BANK1: variants seen among roughly 807,000 people sequenced by gnomAD.
BANK1 encodes B cell scaffold protein with ankyrin repeats 1.
BANK1 carries 95 observed loss-of-function variants against 94.5 expected under a neutral mutation model. That is an observed-to-expected ratio of 1.00 (90% CI 0.85 to 1.19). The LOEUF (loss-of-function observed/expected upper bound fraction) is 1.19. BANK1 is among the 50% of genes most tolerant of loss of function. The probability of loss-of-function intolerance (pLI) is 0.00; values close to 1 mark genes in which losing one functional copy is unlikely to be tolerated. For missense variants in BANK1, 987 were observed against 932.2 expected (o/e 1.06, Z -0.77); for synonymous variants, 334 against 308.4 (o/e 1.08, Z -0.87).
intron 10 of BANK1, chr4:102,036,734 T>G (rs1272815891): frequency 6.6e-6 from 1 of 152,190 alleles, no homozygotes; most frequent in African/African-American, 2.4e-5. Flanking sequence ...GTAACCCAGG[T>G]GTTCTTGTTT....
At chr4:101,792,770 A>C (rs2148847138) in intron 1 of BANK1, among the ~76,000 whole-genome samples, 1 of 152,284 alleles carries the variant, frequency 6.6e-6, no homozygotes, top group South Asian at 2.1e-4. Context: ...AGACAACATT[A>C]GTGTATACTG....
chr4:101,966,195 CT>C (rs1166446682), intron 7 of BANK1, among the ~76,000 whole-genome samples: 2 of 152,022 alleles, frequency 1.3e-5, no homozygotes, highest in Non-Finnish European at 1.5e-5. Flanking sequence ...GCTTATGCTA[CT>C]TTTCCTTTTT....
At chr4:101,902,194 T>A (rs1218351323) in intron 6 of BANK1, among the ~76,000 whole-genome samples, 2 of 152,186 alleles carry the variant, frequency 1.3e-5, no homozygotes, top group African/African-American at 4.8e-5. Context: ...CTTTTGACAA[T>A]AACAGAAATC....
intron 10 of BANK1, among the ~76,000 whole-genome samples, chr4:102,037,787 A>G (rs1000972845): frequency 5.3e-5 from 8 of 152,222 alleles, no homozygotes; most frequent in African/African-American, 1.7e-4. Context: ...AAAACCATAT[A>G]TGTACAGTGG....
chr4:102,028,788 A>T (rs1727187717), intron 9 of BANK1, among the ~76,000 whole-genome samples: 1 of 152,034 alleles, frequency 6.6e-6, no homozygotes, highest in Non-Finnish European at 1.5e-5. Flanking sequence ...ATCATCAAAG[A>T]CTCTGAAACC....
chr4:102,026,012 G>T (rs1727082214), intron 9 of BANK1, among the ~76,000 whole-genome samples: 2 of 152,182 alleles, frequency 1.3e-5, no homozygotes, highest in South Asian at 4.1e-4. Context: ...AGCTGTGGGA[G>T]AATTAAGCGT....
rs79270509 is a variant in BANK1 at position 102,063,206 on chromosome 4, G to A, written c.2212+68G>A. On this transcript the variant is annotated intron_variant, in intron 13 of 16. Coordinates refer to ENST00000322953, the MANE Select transcript of BANK1 (RefSeq NM_017935.5). Reference sequence around the variant, plus strand: ...ACGTTGAAAATTCAAGGACTGTGGAGATGATTGGGCCTGAGTTCAAATCTA... The same window carrying A: ...ACGTTGAAAATTCAAGGACTGTGGAAATGATTGGGCCTGAGTTCAAATCTA... 43 of 1,397,472 alleles carry A rather than the reference G, an allele frequency of 3.1e-5. No individual in the cohort carries two copies. The South Asian group carries it at 4.4e-4, about 14-fold the overall frequency. 86.6% of individuals were successfully genotyped at this position (1,397,472 alleles called of 1,614,324 possible).
intron 11 of BANK1, among the ~76,000 whole-genome samples, chr4:102,050,928 G>A (rs1455678888): frequency 1.3e-5 from 2 of 152,128 alleles, no homozygotes; most frequent in African/African-American, 4.8e-5. Context: ...TTATGAGCTT[G>A]TAACCCCTAG....
chr4:102,016,472 A>G (rs1165524395), intron 7 of BANK1, among the ~76,000 whole-genome samples: 1 of 152,126 alleles, frequency 6.6e-6, no homozygotes, highest in East Asian at 1.9e-4. Context: ...AAATTGTCCT[A>G]TACCCCCTCT....
At chr4:101,826,930 A>C (rs1726388871) in intron 1 of BANK1, among the ~76,000 whole-genome samples, 1 of 151,954 alleles carries the variant, frequency 6.6e-6, no homozygotes, top group Admixed American at 6.6e-5. Context: ...AATTCAATAA[A>C]ATACAAAAGC....
chr4:102,065,963 C>T (rs1222164729), intron 13 of BANK1, among the ~76,000 whole-genome samples: 1 of 151,782 alleles, frequency 6.6e-6, no homozygotes, highest in African/African-American at 2.4e-5. Flanking sequence ...GTAATTAGAA[C>T]CCAAAAGGAG....
intron 7 of BANK1, among the ~76,000 whole-genome samples, chr4:101,948,716 A>G (rs938070073): frequency 2.0e-5 from 3 of 152,066 alleles, no homozygotes; most frequent in Non-Finnish European, 2.9e-5. Context: ...TGAGACCTTT[A>G]AATTAATCCC....
At chr4:101,960,312 T>G (rs1468149926) in intron 7 of BANK1, among the ~76,000 whole-genome samples, 1 of 152,120 alleles carries the variant, frequency 6.6e-6, no homozygotes, top group Non-Finnish European at 1.5e-5. Flanking sequence ...AAGGTAGATG[T>G]AGATAATTTA....
intron 7 of BANK1, among the ~76,000 whole-genome samples, chr4:101,939,591 G>GC (rs1473254240): frequency 6.6e-6 from 1 of 151,606 alleles, no homozygotes; most frequent in African/African-American, 2.4e-5. Context: ...GCTTTTAACT[G>GC]CCTCTGCCCC....
intron 7 of BANK1, among the ~76,000 whole-genome samples, chr4:102,004,496 G>A (rs767581903): frequency 6.6e-6 from 1 of 151,616 alleles, no homozygotes; most frequent in African/African-American, 2.4e-5. Flanking sequence ...TTTTTTCATC[G>A]ACCAGCCATT....
intron 1 of BANK1, among the ~76,000 whole-genome samples, chr4:101,801,562 G>A (rs1725357603): frequency 6.6e-6 from 1 of 152,310 alleles, no homozygotes; most frequent in South Asian, 2.1e-4. Context: ...CAGCAGTTGA[G>A]AGAGAACCTC....
intron 7 of BANK1, among the ~76,000 whole-genome samples, chr4:101,926,499 A>G (rs192704937): frequency 2.6e-5 from 4 of 151,876 alleles, no homozygotes; most frequent in South Asian, 4.1e-4. Flanking sequence ...AAATAGATTG[A>G]TTGACTCAAC....
At chr4:101,963,930 C>T (rs1191647381) in intron 7 of BANK1, among the ~76,000 whole-genome samples, 2 of 152,000 alleles carry the variant, frequency 1.3e-5, no homozygotes, top group Non-Finnish European at 2.9e-5. Context: ...ATCTTAACAT[C>T]ATTTTAGTTT....
intron 7 of BANK1, among the ~76,000 whole-genome samples, chr4:101,946,913 G>A (rs929754574): frequency 9.9e-5 from 15 of 152,024 alleles, no homozygotes; most frequent in Admixed American, 2.0e-4. Flanking sequence ...AATTAGAAAT[G>A]TAAAGCAATG....
Sources: gnomAD v4.1 joint callset for allele counts (sites outside exome capture counted in the v4.1 genomes callset) on GRCh38, gnomAD v4.1.1 for gene constraint, MANE v1.5 for transcripts, NCBI Gene and HGNC (gene_info 2026-07-23, HGNC 2026-07-21) for gene names.